The following GNA14 variants were observed in gnomAD, a reference collection of about 807,000 sequenced individuals.
GNA14 encodes guanine nucleotide-binding protein subunit alpha-14.
In GNA14, 50 loss-of-function variants were observed where a neutral mutation model predicts 42.0. That is an observed-to-expected ratio of 1.19 (90% CI 0.95 to 1.51). The LOEUF is 1.51. Among genes scored for constraint, GNA14 ranks in the 40% most tolerant of loss-of-function variants. GNA14 has a pLI of 0.00. For missense variants in GNA14, 473 were observed against 446.2 expected, an observed-to-expected ratio of 1.06 and a Z score of -0.54; for synonymous variants, 173 against 163.1, an observed-to-expected ratio of 1.06 and a Z score of -0.46.
chr9:77,482,159 T>A (rs1836566015), intron 2 of GNA14, among the ~76,000 whole-genome samples: 1 of 152,216 alleles, frequency 6.6e-6, no homozygotes, highest in South Asian at 2.1e-4. Flanking sequence ...CGTCTTTACA[T>A]TTTGGCATGT....
rs1253064390 is a variant in GNA14 at position 77,482,086 on chromosome 9, G to A, written c.309+46983C>T. ...TACTGTTATGTGTGAATTTGGTCCT[G>A]TCATTATGATGTTAGTTGGTTATTT... is the stretch of plus-strand genomic sequence containing the variant. On this transcript the variant is annotated intron_variant, in intron 2 of 6. Coordinates refer to ENST00000341700, the MANE Select transcript of GNA14 (RefSeq NM_004297.4). 7.9e-5 allele frequency among the ~76,000 whole-genome samples: 12 copies of A among 152,290 alleles called. No individual in the cohort carries two copies. In the South Asian group the frequency reaches 2.1e-3, roughly 26 times the overall value.
In GNA14 at chr9:77,429,153, G is replaced by C. The variant is rs542628213; in HGVS notation, c.594-117C>G. On this transcript the variant is annotated intron_variant, in intron 4 of 6. Transcript: ENST00000341700. ...TTGGAGTCCTCAGTAATTTCTAAGA[G>C]AGAAAAGAGGTTCTAAGTTTTAAAA... 1.2e-5 allele frequency: 11 copies of C among 921,206 alleles called. No homozygotes were observed. In the African/African-American group the frequency reaches 1.3e-4, roughly 11 times the overall value. 57.1% of individuals were successfully genotyped at this position (921,206 alleles called of 1,614,324 possible).
chr9:77,516,755 G>T (rs890021360), intron 2 of GNA14, among the ~76,000 whole-genome samples: 3 of 152,078 alleles, frequency 2.0e-5, no homozygotes, highest in African/African-American at 7.2e-5. Context: ...GCAGGGGAAT[G>T]TAACACAGGT....
chr9:77,605,031 C>T (rs1823626969), intron 1 of GNA14, among the ~76,000 whole-genome samples: 1 of 152,256 alleles, frequency 6.6e-6, no homozygotes, highest in Admixed American at 6.5e-5. Context: ...ATAGCAGACT[C>T]TTTGCCTTCA....
At chr9:77,444,723 G>A (rs1399405178) in intron 2 of GNA14, among the ~76,000 whole-genome samples, 3 of 152,102 alleles carry the variant, frequency 2.0e-5, no homozygotes, top group African/African-American at 7.2e-5. Context: ...CCAGCACTCC[G>A]TGCACCTCAG....
At chr9:77,486,106 C>G (rs1453751819) in intron 2 of GNA14, among the ~76,000 whole-genome samples, 1 of 152,208 alleles carries the variant, frequency 6.6e-6, no homozygotes, top group Non-Finnish European at 1.5e-5. Flanking sequence ...AAGGCTGTTT[C>G]ATCTATATTG....
intron 1 of GNA14, among the ~76,000 whole-genome samples, chr9:77,561,492 G>GT (rs1351331831): frequency 6.6e-6 from 1 of 152,140 alleles, no homozygotes; most frequent in African/African-American, 2.4e-5. Context: ...GCACAATGTG[G>GT]TATATACATA....
At chr9:77,601,357 G>T (rs753132146) in intron 1 of GNA14, among the ~76,000 whole-genome samples, 3 of 152,130 alleles carry the variant, frequency 2.0e-5, no homozygotes, top group Non-Finnish European at 4.4e-5. Context: ...GTGAAAGAAA[G>T]AATCTTTTAC....
At chr9:77,524,443 G>A (rs1325234933) in intron 2 of GNA14, among the ~76,000 whole-genome samples, 1 of 152,026 alleles carries the variant, frequency 6.6e-6, no homozygotes, top group Non-Finnish European at 1.5e-5. Context: ...GAAAGAAACA[G>A]AAACAAACAG....
intron 1 of GNA14, among the ~76,000 whole-genome samples, chr9:77,564,966 A>G (rs1822943696): frequency 6.6e-6 from 1 of 152,226 alleles, no homozygotes; most frequent in South Asian, 2.1e-4. Context: ...TATACTGGTG[A>G]ATATACACAT....
At chr9:77,532,331 G>A (rs376678715) in intron 1 of GNA14, among the ~76,000 whole-genome samples, 23 of 152,186 alleles carry the variant, frequency 1.5e-4, no homozygotes, top group East Asian at 5.8e-4. Flanking sequence ...ATCAGCTTAC[G>A]TGCAGTCTTC....
At chr9:77,509,102 T>C (rs1487429610) in intron 2 of GNA14, among the ~76,000 whole-genome samples, 5 of 152,136 alleles carry the variant, frequency 3.3e-5, no homozygotes, top group African/African-American at 1.2e-4. Context: ...GAACTCCCCA[T>C]TGGCCCCTCC....
intron 1 of GNA14, among the ~76,000 whole-genome samples, chr9:77,632,809 A>G (rs922136088): frequency 6.6e-6 from 1 of 152,136 alleles, no homozygotes; most frequent in African/African-American, 2.4e-5. Context: ...GCCGGACCCC[A>G]TGCTCGCTCA....
intron 1 of GNA14, among the ~76,000 whole-genome samples, chr9:77,551,561 C>T (rs1361095225): frequency 6.6e-6 from 1 of 150,536 alleles, no homozygotes; most frequent in Non-Finnish European, 1.5e-5. Context: ...AGTTCTGAAG[C>T]TGCCTCCAGA....
At chr9:77,459,261 A>G (rs909036691) in intron 2 of GNA14, among the ~76,000 whole-genome samples, 3 of 152,114 alleles carry the variant, frequency 2.0e-5, no homozygotes, top group Admixed American at 1.3e-4. Flanking sequence ...AAAAAAGAAA[A>G]AAGGCTAAAA....
intron 1 of GNA14, among the ~76,000 whole-genome samples, chr9:77,569,642 T>C (rs1169780794): frequency 6.6e-6 from 1 of 152,192 alleles, no homozygotes; most frequent in East Asian, 1.9e-4. Context: ...GCCCAGGCTA[T>C]GTGGGGGCTT....
intron 1 of GNA14, among the ~76,000 whole-genome samples, chr9:77,588,671 G>A (rs1823342507): frequency 6.6e-6 from 1 of 152,174 alleles, no homozygotes; most frequent in Non-Finnish European, 1.5e-5. Context: ...TAGAAGGCAG[G>A]TTAGCACACA....
chr9:77,438,150 A>G (rs1835668933), intron 2 of GNA14, among the ~76,000 whole-genome samples: 1 of 152,130 alleles, frequency 6.6e-6, no homozygotes, highest in Admixed American at 6.6e-5. Flanking sequence ...AGAAGCAGAG[A>G]GCTCAGCCTC....
At chr9:77,461,179 C>A (rs981584768) in intron 2 of GNA14, among the ~76,000 whole-genome samples, 2 of 152,190 alleles carry the variant, frequency 1.3e-5, no homozygotes, top group African/African-American at 2.4e-5. Flanking sequence ...GTGGCATCCG[C>A]GCTGTGAGTG....
Sources: allele counts gnomAD v4.1 joint callset (sites outside exome capture counted in the v4.1 genomes callset), GRCh38; gene constraint gnomAD v4.1.1; transcripts MANE v1.5; gene names NCBI Gene and HGNC (gene_info 2026-07-23, HGNC 2026-07-21).